Variants in ADGRG3 observed in about 807,000 individuals in gnomAD.
ADGRG3 encodes the protein G protein-coupled receptor 97.
A neutral mutation model predicts 54.3 loss-of-function variants in ADGRG3; 39 were observed. The ratio of observed to expected loss-of-function variants is 0.72; its 90% CI spans 0.56 to 0.94. The LOEUF is 0.94. Ranked by LOEUF, ADGRG3 falls within the 40% of genes least tolerant of loss-of-function variation. The pLI, the probability that ADGRG3 is intolerant of heterozygous loss-of-function variation, is 0.00. For synonymous variants in ADGRG3, 312 were observed against 290.0 expected (o/e 1.08, Z -0.77); for missense variants, 654 against 694.6 (o/e 0.94, Z 0.66).
At position 57,676,566 on chromosome 16, in the gene ADGRG3, C is replaced by A. The variant is rs541878725; in HGVS notation, c.345+228C>A. On this transcript the variant is annotated intron_variant, in intron 3 of 11. Transcript: ENST00000333493. ...CATATTTGAAATGAGGTAAAGGGTT[C>A]GATGGACAGACTCTGGGTTTATGCT... 2.0e-5 allele frequency among the ~76,000 whole-genome samples: 3 copies of A among 152,310 alleles called. No individual in the cohort carries two copies. The East Asian group carries it at 5.8e-4, about 29-fold the overall frequency.
chr16:57,676,412 G>C lies in ADGRG3; in HGVS notation c.345+74G>C, dbSNP rs58797215. 5.2e-3 allele frequency: 7,391 copies of C among 1,434,906 alleles called. 245 individuals carry two copies. In the African/African-American group the frequency reaches 0.084, roughly 16 times the overall value. The allele number at this position is 1,434,906 out of a possible 1,614,324, so 88.9% of individuals were successfully genotyped here. On this transcript the variant is annotated intron_variant, in intron 3 of 11. Transcript: ENST00000333493. Reference sequence around the variant, plus strand: ...GGACGTATATTTCAAAACTCTAAGAGAGTTATATCCTGTGATATAACTAGG... The same window carrying C: ...GGACGTATATTTCAAAACTCTAAGACAGTTATATCCTGTGATATAACTAGG...
intron 2 of ADGRG3, 118 bp from the exon 3 acceptor site, chr16:57,676,082 C>A: frequency 1.1e-6 from 1 of 920,146 alleles, no homozygotes; most frequent in Non-Finnish European, 1.7e-6. Flanking sequence ...TTCCTCCTGT[C>A]CTGATCCCAG....
intron 2 of ADGRG3, among the ~76,000 whole-genome samples, chr16:57,674,432 G>A (rs1406575646): frequency 1.3e-5 from 2 of 152,158 alleles, no homozygotes; most frequent in Admixed American, 6.5e-5. Context: ...ACTCTTCTGG[G>A]ATGCCTAGAA....
chr16:57,680,015 T>TC (rs1228547723), intron 6 of ADGRG3, among the ~76,000 whole-genome samples, 160 bp downstream of exon 6: 2 of 20,654 alleles, frequency 9.7e-5, no homozygotes, highest in Non-Finnish European at 1.4e-4. Flanking sequence ...TCCCCTCCCC[T>TC]CCCCCCCCTC....
intron 11 of ADGRG3, 113 bp from the exon 12 acceptor site, chr16:57,688,239 C>T: frequency 1.4e-6 from 1 of 711,446 alleles, no homozygotes; most frequent in Non-Finnish European, 2.6e-6. Flanking sequence ...CCTTTCCCAG[C>T]AGTTCTTGAG....
chr16:57,681,542 G>T (rs986800443), intron 8 of ADGRG3, among the ~76,000 whole-genome samples: 2 of 152,040 alleles, frequency 1.3e-5, no homozygotes, highest in Admixed American at 1.3e-4. Context: ...CCAACATGGT[G>T]AAAGCCCATC....
chr16:57,673,902 A>G (rs1432002511), intron 2 of ADGRG3, among the ~76,000 whole-genome samples: 1 of 152,152 alleles, frequency 6.6e-6, no homozygotes, highest in Non-Finnish European at 1.5e-5. Flanking sequence ...CAGAACTTGA[A>G]AGTAATGGGG....
chr16:57,669,937 G>A (rs2048124129), intron 1 of ADGRG3, among the ~76,000 whole-genome samples: 1 of 152,174 alleles, frequency 6.6e-6, no homozygotes, highest in African/African-American at 2.4e-5. Context: ...GGTGGTCACT[G>A]GGCAGGCTGG....
chr16:57,688,298 C>T, intron 11 of ADGRG3, 54 bp from the exon 12 acceptor site: 1 of 1,145,196 alleles, frequency 8.7e-7, no homozygotes, highest in South Asian at 1.2e-5. Flanking sequence ...CCCAGGCTGC[C>T]CCACTCTCTG....
Position 57,684,051 on chromosome 16 carries a change from CT to C in ADGRG3, c.1002del (p.Asp335MetfsTer46). 1 of 1,614,034 alleles carries C rather than the reference CT, an allele frequency of 6.2e-7. No individual in the cohort carries two copies. Among genetic ancestry groups the C allele is most frequent in the Non-Finnish European group, 8.5e-7 (1 of 1,179,936 alleles). On this transcript the variant is annotated frameshift_variant, in exon 9 of 12. Coordinates refer to ENST00000333493, the MANE Select transcript of ADGRG3 (RefSeq NM_170776.5). LOFTEE classifies it high-confidence loss of function. ...LVNVGSGSKG[S>X]DAACWARGAV... ...AATGTGGGGAGTGGCTCAAAGGGGT[CT>C]GATGCTGCCTGCTGGGCCCGGGGGG... is the stretch of plus-strand genomic sequence containing the variant.
intron 8 of ADGRG3, among the ~76,000 whole-genome samples, chr16:57,682,855 C>G (rs2048399484): frequency 6.6e-6 from 1 of 152,208 alleles, no homozygotes; most frequent in South Asian, 2.1e-4. Flanking sequence ...CACTCTCCTA[C>G]TGCATTTTCG....
In ADGRG3 at chr16:57,679,168, C is replaced by G; in HGVS notation, c.493-9C>G. The G allele has an allele frequency of 6.2e-7, 1 of 1,613,594 alleles. No individual in the cohort carries two copies. Among genetic ancestry groups the G allele is most frequent in the African/African-American group, 1.3e-5 (1 of 75,056 alleles). ...TGCAGCCTGGCCTCCCCGATCTCCC[C>G]TTTCACAGGGCCCCCGGCTCGGCCT... On this transcript the variant is annotated splice_polypyrimidine_tract_variant and intron_variant, in intron 4 of 11. Coordinates refer to ENST00000333493, the MANE Select transcript of ADGRG3 (RefSeq NM_170776.5).
chr16:57,680,956 C>G (rs2048356994), intron 8 of ADGRG3, among the ~76,000 whole-genome samples: 1 of 152,208 alleles, frequency 6.6e-6, no homozygotes. Context: ...GTCCCCAGAA[C>G]TTGGTCTCCC....
intron 10 of ADGRG3, among the ~76,000 whole-genome samples, chr16:57,685,256 A>T (rs1324149430): frequency 1.3e-5 from 2 of 152,148 alleles, no homozygotes; most frequent in Admixed American, 1.3e-4. Context: ...ACTGCAGCGG[A>T]CTGGCAGTCA....
intron 8 of ADGRG3, chr16:57,682,432 A>G (rs1291643741): frequency 1.0e-6 from 1 of 970,694 alleles, no homozygotes; most frequent in Non-Finnish European, 1.2e-6. Flanking sequence ...CACCCAATCC[A>G]TCACAGACCA....
Position 57,685,766 on chromosome 16 carries a change from G to C in ADGRG3, c.1380G>C (p.Leu460=), listed in dbSNP as rs374836299. 3.1e-6 allele frequency: 5 copies of C among 1,614,080 alleles called. No individual in the cohort carries two copies. In the African/African-American group the frequency reaches 4.0e-5, roughly 13 times the overall value. ...LALVVWKIFT[L]SRATAVKERG... ...TGGTGGTCTGGAAGATCTTCACCCT[G>C]TCCCGTGCTACAGCGGTCAAGGAGC... The change falls in exon 11 of 12, where the codon CTG becomes CTC. Residue 460 remains leucine, a synonymous_variant. Transcript: ENST00000333493.
At position 57,685,614 on chromosome 16, in the gene ADGRG3, A is replaced by T. The variant is rs769814436; in HGVS notation, c.1257-29A>T. On this transcript the variant is annotated intron_variant, in intron 10 of 11. Coordinates refer to ENST00000333493, the MANE Select transcript of ADGRG3 (RefSeq NM_170776.5). Reference sequence around the variant, plus strand: ...TTTGCTGGCCAGAGGTACCACTCCCAGTCCCACCACAGCTGCCCCCTCCTC... The same window carrying T: ...TTTGCTGGCCAGAGGTACCACTCCCTGTCCCACCACAGCTGCCCCCTCCTC... 3 of 1,609,634 alleles carry T rather than the reference A, an allele frequency of 1.9e-6. No homozygotes were observed. The Admixed American group carries it at 5.0e-5, about 27-fold the overall frequency.
chr16:57,678,232 C>G lies in ADGRG3; in HGVS notation c.408C>G (p.Ser136Arg), dbSNP rs1415146815. ...CTGACAGAGTGCGACTTCCCAAGAG[C>G]CTTTTTCGATCCCTGCCAGGCAACA... is the stretch of plus-strand genomic sequence containing the variant. ...KPPDRVRLPK[S>R]LFRSLPGNRS... The change falls in exon 4 of 12, where the codon AGC (serine) becomes AGG (arginine). Residue 136 changes from serine (S) to arginine (R), a missense_variant. Physicochemically the swap from Ser to Arg is moderately radical, Grantham distance 110. Coordinates refer to ENST00000333493, the MANE Select transcript of ADGRG3 (RefSeq NM_170776.5). 1.2e-6 allele frequency: 2 copies of G among 1,614,190 alleles called. No homozygotes were observed. The highest frequency in any genetic ancestry group is 8.5e-7 in the Non-Finnish European group (1 of 1,180,004).
intron 11 of ADGRG3, among the ~76,000 whole-genome samples, chr16:57,687,181 G>A (rs185697097): frequency 6.6e-6 from 1 of 152,068 alleles, no homozygotes; most frequent in Non-Finnish European, 1.5e-5. Flanking sequence ...CCCTGACCCA[G>A]CAAGTCACTC....
Sources: gnomAD v4.1 joint callset for allele counts (sites outside exome capture counted in the v4.1 genomes callset) on GRCh38, gnomAD v4.1.1 for gene constraint, MANE v1.5 for transcripts, NCBI Gene and HGNC (gene_info 2026-07-23, HGNC 2026-07-21) for gene names.